BMP2K: variants seen among roughly 807,000 people sequenced by gnomAD.
BMP2K encodes BMP-2-inducible protein kinase.
In BMP2K, 74 loss-of-function variants were observed where a neutral mutation model predicts 116.0. The observed-to-expected ratio is 0.64, with a 90% confidence interval of 0.53 to 0.77. The LOEUF (loss-of-function observed/expected upper bound fraction) is 0.77, where lower values mean the gene tolerates loss of function less well. Among genes scored for constraint, BMP2K ranks in the 30% least tolerant of loss-of-function variants. The pLI is 0.00. For missense variants in BMP2K, 1,365 were observed against 1,403.6 expected (o/e 0.97, Z 0.44); for synonymous variants, 486 against 502.5 (o/e 0.97, Z 0.44).
Position 78,871,801 on chromosome 4 carries a change from C to G in BMP2K, c.1510-49C>G, listed in dbSNP as rs755775629. On this transcript the variant is annotated intron_variant, in intron 11 of 15. Transcript: ENST00000502613. ...AAGATCAATACTTTAAAAAAGGGCT[C>G]TGACACAAAAAAGGCATAACATTTA... 24 of 1,311,972 alleles carry G rather than the reference C, an allele frequency of 1.8e-5. 1 individual carries two copies. The highest frequency in any genetic ancestry group is 2.4e-5 in the Non-Finnish European group (22 of 913,700). The allele number at this position is 1,311,972 out of a possible 1,614,324, so 81.3% of individuals were successfully genotyped here.
intron 9 of BMP2K, among the ~76,000 whole-genome samples, chr4:78,864,796 A>G (rs1417235563): frequency 6.6e-6 from 1 of 152,222 alleles, no homozygotes; most frequent in Non-Finnish European, 1.5e-5. Context: ...ATTTGGTCCT[A>G]TTAACAAGTA....
chr4:78,870,688 C>A, intron 10 of BMP2K, 95 bp from the exon 11 acceptor site: 1 of 1,457,826 alleles, frequency 6.9e-7, no homozygotes, highest in South Asian at 1.4e-5. Flanking sequence ...ATATAAATGC[C>A]TTAGTTAAAT....
intron 15 of BMP2K, among the ~76,000 whole-genome samples, chr4:78,899,924 A>C (rs1021983860): frequency 1.3e-5 from 2 of 152,190 alleles, no homozygotes; most frequent in African/African-American, 2.4e-5. Flanking sequence ...TTAAGGGAAG[A>C]ATTTAGATTT....
intron 1 of BMP2K, among the ~76,000 whole-genome samples, chr4:78,808,544 G>A (rs956109610): frequency 6.6e-6 from 1 of 152,096 alleles, no homozygotes; most frequent in Non-Finnish European, 1.5e-5. Flanking sequence ...GGGATTACAG[G>A]CGTGAGCCAC....
chr4:78,886,040 T>A (rs748396252), intron 14 of BMP2K, among the ~76,000 whole-genome samples: 5 of 152,162 alleles, frequency 3.3e-5, no homozygotes, highest in Non-Finnish European at 7.3e-5. Flanking sequence ...AGATTCAAAT[T>A]TTATTACATG....
chr4:78,900,264 G>A (rs1733926817), intron 15 of BMP2K, among the ~76,000 whole-genome samples: 1 of 152,128 alleles, frequency 6.6e-6, no homozygotes, highest in African/African-American at 2.4e-5. Flanking sequence ...TATGTTATTA[G>A]TTGATTATGT....
At chr4:78,863,620 C>T (rs1378066153) in intron 9 of BMP2K, among the ~76,000 whole-genome samples, 1 of 151,962 alleles carries the variant, frequency 6.6e-6, no homozygotes, top group African/African-American at 2.4e-5. Flanking sequence ...CAGGTGATGG[C>T]AAGGAGAAAA....
At chr4:78,890,191 C>T (rs984489687) in intron 15 of BMP2K, among the ~76,000 whole-genome samples, 2 of 152,030 alleles carry the variant, frequency 1.3e-5, no homozygotes, top group Admixed American at 6.6e-5. Flanking sequence ...AAAATCACTT[C>T]CTTTCCTGTT....
chr4:78,799,284 A>G (rs1201475614), intron 1 of BMP2K, among the ~76,000 whole-genome samples: 1 of 152,230 alleles, frequency 6.6e-6, no homozygotes, highest in East Asian at 1.9e-4. Flanking sequence ...AATATCATGA[A>G]AGTTCTGTAG....
chr4:78,796,995 A>G (rs184134622), intron 1 of BMP2K, among the ~76,000 whole-genome samples: 93 of 152,282 alleles, frequency 6.1e-4, no homozygotes, highest in African/African-American at 2.1e-3. Flanking sequence ...AGCTTTATGC[A>G]TGGGAGTTGT....
At chr4:78,846,313 T>G (rs1730996978) in intron 5 of BMP2K, among the ~76,000 whole-genome samples, 1 of 151,592 alleles carries the variant, frequency 6.6e-6, no homozygotes, top group South Asian at 2.1e-4. Context: ...AATCCTGTTT[T>G]GGTGAACTTT....
intron 1 of BMP2K, among the ~76,000 whole-genome samples, chr4:78,791,614 A>G (rs1036464490): frequency 6.6e-6 from 1 of 152,114 alleles, no homozygotes; most frequent in Admixed American, 6.6e-5. Flanking sequence ...CACTTCCCCT[A>G]TTCCTTTAGA....
chr4:78,805,743 G>T (rs1489332047), intron 1 of BMP2K, among the ~76,000 whole-genome samples: 1 of 152,140 alleles, frequency 6.6e-6, no homozygotes, highest in Non-Finnish European at 1.5e-5. Context: ...GGCTGAGGCG[G>T]GTGGATCACA....
At chr4:78,870,263 A>T (rs184043677) in intron 10 of BMP2K, among the ~76,000 whole-genome samples, 1 of 152,208 alleles carries the variant, frequency 6.6e-6, no homozygotes, top group Non-Finnish European at 1.5e-5. Context: ...GTAAGTCATC[A>T]TCTCTTCCCT....
chr4:78,887,994 ACT>A (rs905147704), intron 15 of BMP2K: 1 of 152,206 alleles, frequency 6.6e-6, no homozygotes, highest in Non-Finnish European at 1.5e-5. Context: ...TTTGTTTCTC[ACT>A]CAGGCAAGTT....
At chr4:78,807,748 C>A (rs1728893017) in intron 1 of BMP2K, among the ~76,000 whole-genome samples, 1 of 150,626 alleles carries the variant, frequency 6.6e-6, no homozygotes, top group African/African-American at 2.4e-5. Flanking sequence ...CTTTTGATTT[C>A]TTTAATGTCA....
intron 1 of BMP2K, among the ~76,000 whole-genome samples, chr4:78,777,969 G>T (rs552602266): frequency 2.0e-5 from 3 of 152,320 alleles, no homozygotes; most frequent in East Asian, 1.9e-4. Flanking sequence ...TAGTTTTTCA[G>T]AAGAATGAAT....
intron 3 of BMP2K, among the ~76,000 whole-genome samples, chr4:78,840,223 A>G (rs1324600610): frequency 1.3e-5 from 2 of 152,296 alleles, no homozygotes; most frequent in Non-Finnish European, 2.9e-5. Flanking sequence ...TGGGTTAATG[A>G]TACCTCTTTG....
chr4:78,911,756 G>C lies in BMP2K; in HGVS notation c.3209G>C (p.Gly1070Ala), dbSNP rs375866667. The C allele has an allele frequency of 6.2e-7, 1 of 1,613,966 alleles. No individual in the cohort carries two copies. The highest frequency in any genetic ancestry group is 8.5e-7 in the Non-Finnish European group (1 of 1,179,876). The stretch of plus-strand genomic sequence containing the variant: ...GAGGAGAGCCTGTTGGACCCCTTCG[G>C]TGCCAAGCCCTTCCATTCTCCAGAC... ...QPEESLLDPF[G>A]AKPFHSPDLS... The change falls in exon 16 of 16, where the codon GGT becomes GCT. Residue 1070 changes from glycine to alanine, a missense_variant. Physicochemically the swap from Gly to Ala is moderately conservative, Grantham distance 60. Transcript: ENST00000502613.
Sources: allele counts gnomAD v4.1 joint callset (sites outside exome capture counted in the v4.1 genomes callset), GRCh38; gene constraint gnomAD v4.1.1; transcripts MANE v1.5; gene names NCBI Gene and HGNC (gene_info 2026-07-23, HGNC 2026-07-21).